The following BNC2 variants were observed in gnomAD, a reference collection of about 807,000 sequenced individuals.
BNC2 encodes the protein basonuclin zinc finger protein 2, also known as zinc finger protein basonuclin-2.
A neutral mutation model predicts 76.3 loss-of-function variants in BNC2; 20 were observed. That is an observed-to-expected ratio of 0.26 (90% CI 0.18 to 0.38). The LOEUF (loss-of-function observed/expected upper bound fraction) is 0.38, where lower values mean the gene tolerates loss of function less well. Ranked by LOEUF, BNC2 falls within the 10% of genes least tolerant of loss-of-function variation. BNC2 has a pLI of 1.00. For synonymous variants in BNC2, 582 were observed against 514.8 expected (o/e 1.13, Z -1.77); for missense variants, 1,382 against 1,399.8 (o/e 0.99, Z 0.20).
chr9:16,547,979 T>A (rs1485558993), intron 5 of BNC2, among the ~76,000 whole-genome samples: 1 of 152,190 alleles, frequency 6.6e-6, no homozygotes, highest in East Asian at 1.9e-4. Flanking sequence ...GATGGCCCCA[T>A]TCGTCTTTGA....
At chr9:16,495,912 T>TA (rs1491116759) in intron 5 of BNC2, among the ~76,000 whole-genome samples, 1 of 119,434 alleles carries the variant, frequency 8.4e-6, no homozygotes, top group Non-Finnish European at 1.6e-5. Context: ...TTTCTTTTTC[T>TA]TTTTTTTTTT....
chr9:16,643,304 TCA>T (rs1821540260), intron 3 of BNC2, among the ~76,000 whole-genome samples: 1 of 83,230 alleles, frequency 1.2e-5, no homozygotes. Context: ...AGACTCTGTC[TCA>T]AAAAAAAAAA....
chr9:16,485,878 AC>A (rs1239192678), intron 5 of BNC2, among the ~76,000 whole-genome samples: 2 of 152,088 alleles, frequency 1.3e-5, no homozygotes, highest in African/African-American at 4.8e-5. Flanking sequence ...CCCCATTTGT[AC>A]CCCCAAGGGT....
chr9:16,572,265 C>T (rs141422063), intron 4 of BNC2, among the ~76,000 whole-genome samples: 1,641 of 152,286 alleles, frequency 0.011, 28 homozygotes, highest in African/African-American at 0.038. Context: ...AAACCTCCCA[C>T]TTACCTTTCA....
chr9:16,441,807 T>C (rs936928732), intron 5 of BNC2, among the ~76,000 whole-genome samples: 2 of 152,160 alleles, frequency 1.3e-5, no homozygotes, highest in African/African-American at 4.8e-5. Context: ...GAAAAACTAG[T>C]CCTCCTTGCA....
intron 3 of BNC2, among the ~76,000 whole-genome samples, chr9:16,656,484 A>C (rs1397747714): frequency 1.3e-5 from 2 of 152,118 alleles, no homozygotes; most frequent in Admixed American, 1.3e-4. Flanking sequence ...GAAATAATGG[A>C]AGGCTCCCTC....
At chr9:16,528,746 T>C (rs1817886949) in intron 5 of BNC2, among the ~76,000 whole-genome samples, 3 of 152,182 alleles carry the variant, frequency 2.0e-5, no homozygotes. Flanking sequence ...CAACTGTCTT[T>C]AAATAAGTGA....
chr9:16,727,216 G>A (rs1824363132), intron 3 of BNC2: 1 of 153,150 alleles, frequency 6.5e-6, no homozygotes, highest in African/African-American at 2.4e-5. Context: ...CGGAGCGGAG[G>A]AGCGAGGACC....
chr9:16,822,484 C>A (rs1818361042), intron 1 of BNC2, among the ~76,000 whole-genome samples: 2 of 152,086 alleles, frequency 1.3e-5, no homozygotes, highest in Admixed American at 6.6e-5. Flanking sequence ...GTACAGCCAT[C>A]TAGAGTGAAC....
intron 5 of BNC2, among the ~76,000 whole-genome samples, chr9:16,504,382 T>C (rs1023263093): frequency 1.2e-4 from 18 of 144,896 alleles, no homozygotes; most frequent in Admixed American, 1.1e-3. Flanking sequence ...GAAATAATTG[T>C]CTTCCTCTCT....
At chr9:16,835,687 G>C (rs1378104585) in intron 1 of BNC2, among the ~76,000 whole-genome samples, 1 of 152,184 alleles carries the variant, frequency 6.6e-6, no homozygotes, top group Non-Finnish European at 1.5e-5. Context: ...GGGCAACAGA[G>C]CAAGACTCCC....
intron 1 of BNC2, among the ~76,000 whole-genome samples, chr9:16,760,294 G>A (rs1825516448): frequency 6.6e-6 from 1 of 152,156 alleles, no homozygotes. Flanking sequence ...ACACTATTGG[G>A]TGGAATATAA....
chr9:16,855,800 G>A lies in BNC2; in HGVS notation c.3+14846C>T, dbSNP rs535854055. Among the ~76,000 whole-genome samples the A allele has an allele frequency of 1.2e-4, 18 of 151,620 alleles. 1 individual carries two copies. Among genetic ancestry groups the A allele is most frequent in the African/African-American group, 3.6e-4 (15 of 41,304 alleles). On this transcript the variant is annotated intron_variant, in intron 1 of 6. Coordinates refer to ENST00000380672, the MANE Select transcript of BNC2 (RefSeq NM_017637.6). ...CCTGACCCCATGATCTGCCTGCCTC[G>A]GCCTCCCAAAGTGCTGGGATTACAG...
chr9:16,858,757 A>T (rs1213569150), intron 1 of BNC2, among the ~76,000 whole-genome samples: 1 of 151,924 alleles, frequency 6.6e-6, no homozygotes, highest in African/African-American at 2.4e-5. Context: ...GAGGCAGGAG[A>T]ATGGCGTGAA....
At chr9:16,681,900 A>C (rs1258119749) in intron 3 of BNC2, among the ~76,000 whole-genome samples, 1 of 152,146 alleles carries the variant, frequency 6.6e-6, no homozygotes, top group Non-Finnish European at 1.5e-5. Flanking sequence ...CGTTTTGAAC[A>C]GATCTTAACC....
At chr9:16,692,480 T>G (rs1823202729) in intron 3 of BNC2, among the ~76,000 whole-genome samples, 1 of 152,166 alleles carries the variant, frequency 6.6e-6, no homozygotes. Context: ...TGTGCAGGGT[T>G]GGCAAGGTTG....
intron 5 of BNC2, among the ~76,000 whole-genome samples, chr9:16,480,950 G>A (rs1362506558): frequency 6.6e-6 from 1 of 152,196 alleles, no homozygotes; most frequent in Admixed American, 6.5e-5. Flanking sequence ...GGGATCCACT[G>A]GGTGAAGCCA....
chr9:16,612,872 G>A (rs1026615626), intron 3 of BNC2, among the ~76,000 whole-genome samples: 5 of 152,146 alleles, frequency 3.3e-5, no homozygotes, highest in African/African-American at 1.2e-4. Flanking sequence ...CAGAGACCAT[G>A]TCTTGTTTTA....
intron 5 of BNC2, among the ~76,000 whole-genome samples, chr9:16,518,582 T>A (rs71476251): frequency 8.7e-5 from 12 of 137,796 alleles, no homozygotes; most frequent in African/African-American, 3.5e-4. Context: ...ATATATATTT[T>A]TTGTTGTTGT....
Sources: gnomAD v4.1 joint callset for allele counts (sites outside exome capture counted in the v4.1 genomes callset) on GRCh38, gnomAD v4.1.1 for gene constraint, MANE v1.5 for transcripts, NCBI Gene and HGNC (gene_info 2026-07-23, HGNC 2026-07-21) for gene names.